BMERB1: variants seen among roughly 807,000 people sequenced by gnomAD.
BMERB1 encodes bMERB domain containing 1.
Under a neutral mutation model 23.6 loss-of-function variants are expected in BMERB1, and 12 were observed. The ratio of observed to expected loss-of-function variants is 0.51; its 90% CI spans 0.33 to 0.82. The LOEUF is 0.82. Among genes scored for constraint, BMERB1 ranks in the 40% least tolerant of loss-of-function variants. The pLI is 0.03. For missense variants in BMERB1, 247 were observed against 255.4 expected (o/e 0.97, Z 0.22); for synonymous variants, 122 against 96.6 (o/e 1.26, Z -1.54).
intron 1 of BMERB1, among the ~76,000 whole-genome samples, chr16:15,453,838 C>T (rs1271509933): frequency 6.6e-6 from 1 of 152,156 alleles, no homozygotes; most frequent in Non-Finnish European, 1.5e-5. Context: ...TTCGCCACTG[C>T]ACTCCAGCTT....
At chr16:15,464,041 A>T (rs975868092) in intron 1 of BMERB1, among the ~76,000 whole-genome samples, 6 of 152,232 alleles carry the variant, frequency 3.9e-5, no homozygotes, top group Non-Finnish European at 8.8e-5. Flanking sequence ...GGCCGCGCAC[A>T]GTGGCTCATG....
intron 3 of BMERB1, among the ~76,000 whole-genome samples, chr16:15,575,237 CT>C (rs985043831): frequency 5.9e-5 from 9 of 152,158 alleles, no homozygotes; most frequent in African/African-American, 1.9e-4. Context: ...TATCTGACGT[CT>C]ATATGCCAGT....
intron 1 of BMERB1, among the ~76,000 whole-genome samples, chr16:15,471,364 A>G (rs1409013478): frequency 6.6e-6 from 1 of 152,120 alleles, no homozygotes; most frequent in East Asian, 1.9e-4. Flanking sequence ...CTCTTTTGGG[A>G]GTTTTTAAAT....
intron 1 of BMERB1, among the ~76,000 whole-genome samples, chr16:15,442,434 T>G (rs1412416166): frequency 6.6e-6 from 1 of 152,124 alleles, no homozygotes; most frequent in Non-Finnish European, 1.5e-5. Context: ...GATATAAATA[T>G]TACAAATATG....
intron 3 of BMERB1, among the ~76,000 whole-genome samples, 158 bp from the exon 4 acceptor site, chr16:15,581,059 G>A (rs1381770666): frequency 6.6e-6 from 1 of 151,950 alleles, no homozygotes; most frequent in Non-Finnish European, 1.5e-5. Context: ...AATTCCAGGT[G>A]TGTGCCACCA....
chr16:15,547,779 G>A (rs1166753207), intron 2 of BMERB1, among the ~76,000 whole-genome samples: 3 of 152,140 alleles, frequency 2.0e-5, no homozygotes, highest in East Asian at 1.9e-4. Context: ...GTGGGTGTCC[G>A]AATCAGGATC....
intron 2 of BMERB1, among the ~76,000 whole-genome samples, chr16:15,537,840 G>C (rs926317946): frequency 6.6e-5 from 10 of 151,500 alleles, no homozygotes; most frequent in African/African-American, 1.9e-4. Context: ...TAATTTTTTT[G>C]TAGAGATGGG....
intron 1 of BMERB1, among the ~76,000 whole-genome samples, chr16:15,512,076 C>G (rs11863588): frequency 0.018 from 2,580 of 144,016 alleles, 75 homozygotes; most frequent in African/African-American, 0.062. Flanking sequence ...AGAGGCCATT[C>G]ATTTCAATGT....
At chr16:15,550,161 TA>T (rs1435203691) in intron 2 of BMERB1, among the ~76,000 whole-genome samples, 1 of 152,116 alleles carries the variant, frequency 6.6e-6, no homozygotes, top group African/African-American at 2.4e-5. Flanking sequence ...GGATGGTCTC[TA>T]TCTCCTGACC....
rs569804665 is a variant in BMERB1 at position 15,496,057 on chromosome 16, ATGG to A, written c.107-19245_107-19243del. 3.7e-3 allele frequency among the ~76,000 whole-genome samples: 565 copies of A among 151,806 alleles called. 4 individuals are homozygous for A. Among genetic ancestry groups the A allele is most frequent in the African/African-American group, 0.013 (523 of 41,410 alleles). ...GAAAGGGGTGGTAATGATGGTGGTG[ATGG>A]TGATGATGACAGTGATCGTGATGAT... On this transcript the variant is annotated intron_variant, in intron 1 of 5. Transcript: ENST00000300006.
intron 3 of BMERB1, among the ~76,000 whole-genome samples, chr16:15,568,977 GA>G (rs2030654649): frequency 6.6e-6 from 1 of 152,116 alleles, no homozygotes; most frequent in African/African-American, 2.4e-5. Flanking sequence ...AGCAGTTTAG[GA>G]GGCTGAGAGG....
intron 1 of BMERB1, among the ~76,000 whole-genome samples, chr16:15,499,151 C>T (rs2051502655): frequency 6.6e-6 from 1 of 152,220 alleles, no homozygotes; most frequent in South Asian, 2.1e-4. Flanking sequence ...CTCAATCTCA[C>T]CTCTTCACCT....
intron 2 of BMERB1, among the ~76,000 whole-genome samples, chr16:15,533,408 T>C (rs1323174728): frequency 6.6e-6 from 1 of 151,928 alleles, no homozygotes; most frequent in East Asian, 1.9e-4. Context: ...TTTTTTTTTT[T>C]TTCCTGAGAT....
chr16:15,567,776 A>AACAAAC (rs1555514167), intron 2 of BMERB1, among the ~76,000 whole-genome samples: 9 of 152,202 alleles, frequency 5.9e-5, no homozygotes, highest in African/African-American at 1.9e-4. Flanking sequence ...CAAACAAACA[A>AACAAAC]ACAAAAAACA....
At chr16:15,525,653 C>G (rs533557451) in intron 2 of BMERB1, among the ~76,000 whole-genome samples, 1 of 148,942 alleles carries the variant, frequency 6.7e-6, no homozygotes, top group East Asian at 2.0e-4. Flanking sequence ...TGCAGTGAGC[C>G]AAGATTATGC....
chr16:15,475,584 CAT>C (rs142897697), intron 1 of BMERB1, among the ~76,000 whole-genome samples: 2,170 of 152,286 alleles, frequency 0.014, 57 homozygotes, highest in African/African-American at 0.05. Flanking sequence ...CTGGCAATAA[CAT>C]GTGACAAAAT....
chr16:15,584,647 C>T (rs943071673), intron 5 of BMERB1, among the ~76,000 whole-genome samples: 6 of 151,956 alleles, frequency 3.9e-5, no homozygotes, highest in South Asian at 2.1e-4. Context: ...GAAAGAGCAA[C>T]AAGAACTAGA....
At chr16:15,480,012 AAT>A (rs1172675502) in intron 1 of BMERB1, among the ~76,000 whole-genome samples, 2 of 146,924 alleles carry the variant, frequency 1.4e-5, no homozygotes, top group East Asian at 2.0e-4. Flanking sequence ...ATATATATAT[AAT>A]ATATATATAA....
At chr16:15,494,081 T>C (rs2051449320) in intron 1 of BMERB1, among the ~76,000 whole-genome samples, 1 of 152,148 alleles carries the variant, frequency 6.6e-6, no homozygotes, top group Non-Finnish European at 1.5e-5. Context: ...GATTTATAAT[T>C]GTCTGTTTTC....
Sources: gnomAD v4.1 joint callset for allele counts (sites outside exome capture counted in the v4.1 genomes callset) on GRCh38, gnomAD v4.1.1 for gene constraint, MANE v1.5 for transcripts, NCBI Gene and HGNC (gene_info 2026-07-23, HGNC 2026-07-21) for gene names.